The following COA8 variants were observed in gnomAD, a reference collection of about 807,000 sequenced individuals.
COA8 encodes the protein cytochrome c oxidase assembly factor 8.
COA8 carries 20 observed loss-of-function variants against 22.0 expected under a neutral mutation model. The observed-to-expected ratio is 0.91, with a 90% CI of 0.64 to 1.32. The LOEUF (loss-of-function observed/expected upper bound fraction) is 1.32, where lower values mean the gene tolerates loss of function less well. Ranked by LOEUF, COA8 falls within the 40% of genes most tolerant of loss-of-function variation. The pLI is 0.00. For synonymous variants in COA8, 105 were observed against 79.9 expected (o/e 1.31, Z -1.68); for missense variants, 266 against 230.0 (o/e 1.16, Z -1.01).
intron 1 of COA8, 146 bp downstream of exon 1, chr14:103,563,270 C>T (rs1244467241): frequency 9.2e-7 from 1 of 1,085,144 alleles, no homozygotes; most frequent in South Asian, 1.3e-5. Context: ...AGTCCCGCAG[C>T]CCCGAGGCTC....
At chr14:103,571,896 G>C (rs2076190095) in intron 2 of COA8, 76 bp downstream of exon 2, 1 of 1,278,530 alleles carries the variant, frequency 7.8e-7, no homozygotes, top group Non-Finnish European at 1.1e-6. Flanking sequence ...GGGATGCCGA[G>C]GTGGGCAGAT....
Position 103,581,318 on chromosome 14 carries a change from C to G in COA8, c.386-5956C>G, listed in dbSNP as rs1383819899. ...CTAATCTTGTATTTTGCAACCATTA[C>G]CAAGTAAATAAGGGTTACTCAGACA... On this transcript the variant is annotated intron_variant, in intron 3 of 4. Coordinates refer to ENST00000409074, the MANE Select transcript of COA8 (RefSeq NM_001370595.2). The surrounding 1 kb of genome is among the most constrained non-coding windows in gnomAD (Gnocchi z 4.1). Among the ~76,000 whole-genome samples the G allele has an allele frequency of 1.3e-5, 2 of 152,022 alleles. No homozygotes were observed. The highest frequency in any genetic ancestry group is 2.9e-5 in the Non-Finnish European group (2 of 68,016).
intron 1 of COA8, 21 bp downstream of exon 1, chr14:103,563,145 A>G: frequency 8.4e-6 from 13 of 1,540,520 alleles, no homozygotes; most frequent in Non-Finnish European, 1.1e-5. Flanking sequence ...GCCTGGGGAC[A>G]TTGGGCCGGG....
At chr14:103,584,694 T>A (rs1034570465) in intron 3 of COA8, among the ~76,000 whole-genome samples, 15 of 152,222 alleles carry the variant, frequency 9.9e-5, no homozygotes, top group African/African-American at 2.9e-4. Flanking sequence ...TGTTATTGTC[T>A]GTGTTTAATA....
chr14:103,590,082 C>G (rs964984581), intron 4 of COA8, 99 bp from the exon 5 acceptor site: 1 of 911,116 alleles, frequency 1.1e-6, no homozygotes, highest in Non-Finnish European at 1.8e-6. Flanking sequence ...GAGGCCTGGT[C>G]AGTTGAACTC....
intron 1 of COA8, 67 bp from the exon 2 acceptor site, chr14:103,571,556 A>G (rs571832484): frequency 7.0e-7 from 1 of 1,431,404 alleles, no homozygotes; most frequent in Non-Finnish European, 9.7e-7. Flanking sequence ...AAATAAATCC[A>G]GATTGTACAT....
chr14:103,568,646 T>G (rs1466521900), intron 1 of COA8, among the ~76,000 whole-genome samples: 1 of 128,176 alleles, frequency 7.8e-6, no homozygotes, highest in African/African-American at 2.9e-5. Flanking sequence ...TATATATATA[T>G]AGTGACAGGG....
chr14:103,570,537 A>G (rs2076175231), intron 1 of COA8, among the ~76,000 whole-genome samples: 1 of 152,166 alleles, frequency 6.6e-6, no homozygotes, highest in African/African-American at 2.4e-5. Flanking sequence ...GTTCAAGATC[A>G]GCCTGGTCAA....
Position 103,571,763 on chromosome 14 carries a change from A to G in COA8, c.264A>G (p.Gln88=), listed in dbSNP as rs370192262. 5 of 1,614,110 alleles carry G rather than the reference A, an allele frequency of 3.1e-6. No individual in the cohort carries two copies. The highest frequency in any genetic ancestry group is 4.2e-6 in the Non-Finnish European group (5 of 1,180,052). ...PLEQKLRKLR[Q]ETQEWNQQFW... ...AACAAAAGCTTAGAAAATTAAGACA[A>G]GAAACACAAGAATGGAATCAACAGT... Residue 88 remains glutamine, a synonymous_variant, in exon 2 of 5, where the codon CAA becomes CAG. Coordinates refer to ENST00000409074, the MANE Select transcript of COA8 (RefSeq NM_001370595.2).
rs56296552 is a variant in COA8, at chr14:103,571,368, C to CA, written c.124-243dup. Among the ~76,000 whole-genome samples the CA allele has an allele frequency of 1.1e-3, 139 of 130,962 alleles. 1 individual carries two copies. The highest frequency in any genetic ancestry group is 7.3e-3 in the South Asian group (30 of 4,106). The allele number at this position is 130,962 out of a possible 152,430, so 85.9% of individuals were successfully genotyped here. A position where few individuals can be genotyped will look rare whatever the true frequency, so the allele number is the denominator to read the frequency against. Reference sequence around the variant, plus strand: ...TGAGCGACAGAGTGAGACTCTGTCTCAAAAAAAAAAAAGAAAGCTTAGCAA... The same window carrying CA: ...TGAGCGACAGAGTGAGACTCTGTCTCAAAAAAAAAAAAAGAAAGCTTAGCAA... On this transcript the variant is annotated intron_variant, in intron 1 of 4. Transcript: ENST00000409074.
At chr14:103,563,210 CA>C in intron 1 of COA8, 86 bp downstream of exon 1, 1 of 1,491,408 alleles carries the variant, frequency 6.7e-7, no homozygotes, top group South Asian at 1.2e-5. Flanking sequence ...CCCTGTTCTG[CA>C]CAGCCGCCTC....
chr14:103,588,777 G>C (rs1446855072), intron 4 of COA8, among the ~76,000 whole-genome samples: 1 of 152,122 alleles, frequency 6.6e-6, no homozygotes, highest in Non-Finnish European at 1.5e-5. Context: ...AGGAGGTGGA[G>C]GTTGCAGTGA....
At chr14:103,566,432 AAG>A (rs1236712103) in intron 1 of COA8, among the ~76,000 whole-genome samples, 5 of 152,228 alleles carry the variant, frequency 3.3e-5, no homozygotes, top group Non-Finnish European at 7.3e-5. Context: ...AAAGAAAAAA[AAG>A]AGTGAGCCAT....
At chr14:103,577,908 C>T (rs1407628255) in intron 3 of COA8, among the ~76,000 whole-genome samples, 1 of 151,450 alleles carries the variant, frequency 6.6e-6, no homozygotes, top group Non-Finnish European at 1.5e-5. Flanking sequence ...CCTGTAATCC[C>T]AGCTACTCAG....
At chr14:103,577,511 C>T (rs2076237941) in intron 3 of COA8, among the ~76,000 whole-genome samples, 3 of 152,150 alleles carry the variant, frequency 2.0e-5, no homozygotes, top group African/African-American at 4.8e-5. Context: ...GCCCCTTTTC[C>T]AGAAGAATTT....
At chr14:103,580,246 TA>T (rs201431253) in intron 3 of COA8, among the ~76,000 whole-genome samples, 309 of 151,746 alleles carry the variant, frequency 2.0e-3, no homozygotes, top group Non-Finnish European at 3.5e-3. Flanking sequence ...CTCGCTAATT[TA>T]AAAAAAAATT....
chr14:103,564,481 G>T (rs542259100), intron 1 of COA8, among the ~76,000 whole-genome samples: 1 of 152,082 alleles, frequency 6.6e-6, no homozygotes, highest in African/African-American at 2.4e-5. Flanking sequence ...TTCCCGGGCG[G>T]GGGGGATTTT....
In COA8 at chr14:103,569,466, A is replaced by G. The variant is rs547538336; in HGVS notation, c.124-2157A>G. Among the ~76,000 whole-genome samples the G allele has an allele frequency of 1.8e-4, 27 of 152,356 alleles. No homozygotes were observed. The South Asian group carries it at 2.1e-3, about 12-fold the overall frequency. ...GCCGAACACACTTGACACCTCTCTG[A>G]GCTTGCTTTGTGATATGTGGGCAGC... On this transcript the variant is annotated intron_variant, in intron 1 of 4. Coordinates refer to ENST00000409074, the MANE Select transcript of COA8 (RefSeq NM_001370595.2).
chr14:103,581,584 G>A lies in COA8; in HGVS notation c.386-5690G>A, dbSNP rs1024255803. Reference sequence around the variant, plus strand: ...ATATTTTCAGACCCCACTTTACCTCGGGTAACTGAAACCATGGAAAGAAAA... The same window carrying A: ...ATATTTTCAGACCCCACTTTACCTCAGGTAACTGAAACCATGGAAAGAAAA... On this transcript the variant is annotated intron_variant, in intron 3 of 4. Coordinates refer to ENST00000409074, the MANE Select transcript of COA8 (RefSeq NM_001370595.2). This position sits in a 1 kb window ranked among gnomAD's most constrained non-coding sequence, Gnocchi z 4.1. 19 of 398,844 alleles carry A rather than the reference G, an allele frequency of 4.8e-5. No individual in the cohort carries two copies. The highest frequency in any genetic ancestry group is 3.7e-4 in the African/African-American group (18 of 48,624). 24.7% of individuals were successfully genotyped at this position (398,844 alleles called of 1,614,324 possible).
Sources: allele counts gnomAD v4.1 joint callset (sites outside exome capture counted in the v4.1 genomes callset), GRCh38; gene constraint gnomAD v4.1.1; non-coding constraint Gnocchi (gnomAD v3.1); transcripts MANE v1.5; gene names NCBI Gene and HGNC (gene_info 2026-07-23, HGNC 2026-07-21).